MCUB: variants seen among roughly 807,000 people sequenced by gnomAD.
MCUB encodes the protein calcium uniporter regulatory subunit MCUb, mitochondrial.
In MCUB, 46 loss-of-function variants were observed where a neutral mutation model predicts 41.4. The ratio of observed to expected loss-of-function variants is 1.11; its 90% confidence interval spans 0.88 to 1.42. The LOEUF (loss-of-function observed/expected upper bound fraction) is 1.42. Ranked by LOEUF, MCUB falls within the 40% of genes most tolerant of loss-of-function variation. The pLI is 0.00. For missense variants in MCUB, 403 were observed against 404.9 expected (o/e 1.00, Z 0.04); for synonymous variants, 148 against 148.2 (o/e 1.00, Z 0.01).
chr4:109,597,906 C>G (rs1727614269), intron 1 of MCUB, among the ~76,000 whole-genome samples: 1 of 151,442 alleles, frequency 6.6e-6, no homozygotes, highest in African/African-American at 2.4e-5. Flanking sequence ...ACGCTCCTCA[C>G]CTCCCAGACG....
chr4:109,682,410 T>C (rs1359468569), intron 4 of MCUB, among the ~76,000 whole-genome samples, 172 bp from the exon 5 acceptor site: 1 of 152,184 alleles, frequency 6.6e-6, no homozygotes, highest in Non-Finnish European at 1.5e-5. Context: ...AAAAGTACAC[T>C]TGAACTGCTT....
At chr4:109,585,679 A>G (rs983784016) in intron 1 of MCUB, among the ~76,000 whole-genome samples, 1 of 152,150 alleles carries the variant, frequency 6.6e-6, no homozygotes, top group Non-Finnish European at 1.5e-5. Context: ...GCTTGTGTGT[A>G]AAGGATTTTA....
At chr4:109,667,380 C>T (rs1168021712) in intron 4 of MCUB, among the ~76,000 whole-genome samples, 1 of 151,904 alleles carries the variant, frequency 6.6e-6, no homozygotes, top group Non-Finnish European at 1.5e-5. Flanking sequence ...TAGAGTTGTT[C>T]ATAGTATTTC....
intron 1 of MCUB, among the ~76,000 whole-genome samples, chr4:109,601,945 T>C (rs1727754227): frequency 6.6e-6 from 1 of 152,216 alleles, no homozygotes; most frequent in Admixed American, 6.5e-5. Context: ...TGAGATGATA[T>C]CTCATTGTAG....
intron 1 of MCUB, among the ~76,000 whole-genome samples, chr4:109,568,079 A>AG (rs944689959): frequency 5.0e-4 from 76 of 151,784 alleles, no homozygotes; most frequent in African/African-American, 1.8e-3. Context: ...CCTGGGGGGG[A>AG]AAAATTATTT....
intron 1 of MCUB, among the ~76,000 whole-genome samples, chr4:109,580,980 A>G (rs1157013496): frequency 2.6e-5 from 4 of 152,206 alleles, no homozygotes; most frequent in Admixed American, 1.3e-4. Context: ...ATTCAATGCC[A>G]TCCCCATCAA....
intron 1 of MCUB, among the ~76,000 whole-genome samples, chr4:109,638,516 G>T (rs547560981): frequency 6.6e-6 from 1 of 152,212 alleles, no homozygotes; most frequent in African/African-American, 2.4e-5. Flanking sequence ...GAGGTAGAGG[G>T]TGTTGCCTCA....
At chr4:109,668,689 G>C (rs1038743185) in intron 4 of MCUB, among the ~76,000 whole-genome samples, 2 of 149,490 alleles carry the variant, frequency 1.3e-5, no homozygotes, top group Non-Finnish European at 3.0e-5. Flanking sequence ...TTTTCTATTT[G>C]TTGCCACTGT....
chr4:109,627,783 C>T (rs532770265), intron 1 of MCUB, among the ~76,000 whole-genome samples: 107 of 151,954 alleles, frequency 7.0e-4, no homozygotes, highest in Non-Finnish European at 1.2e-3. Flanking sequence ...TGTGGTGGTG[C>T]GCACCTGTAA....
chr4:109,633,966 C>T (rs1286612812), intron 1 of MCUB, among the ~76,000 whole-genome samples: 5 of 144,958 alleles, frequency 3.4e-5, no homozygotes, highest in South Asian at 2.3e-4. Flanking sequence ...TTTATTATCA[C>T]GCTGTACTTT....
intron 1 of MCUB, among the ~76,000 whole-genome samples, chr4:109,621,008 C>A (rs1323793718): frequency 6.6e-6 from 1 of 151,958 alleles, no homozygotes; most frequent in Admixed American, 6.6e-5. Context: ...AAGCAATTAT[C>A]CTGCTTCAGC....
Position 109,687,676 on chromosome 4 carries a change from T to C in MCUB, c.*84T>C. ...TGTTTTTGAGTCCCATGGTTCATTTTGATTGTTTAATCTTTGTTATTAAAT... is the reference window on the plus strand; with the variant it reads ...TGTTTTTGAGTCCCATGGTTCATTTCGATTGTTTAATCTTTGTTATTAAAT... On this transcript the variant is annotated 3_prime_UTR_variant, in exon 8 of 8. Transcript: ENST00000394650. 2 of 803,476 alleles carry C rather than the reference T, an allele frequency of 2.5e-6. No homozygotes were observed. The highest frequency in any genetic ancestry group is 3.1e-5 in the South Asian group (2 of 65,554). 49.8% of individuals were successfully genotyped at this position (803,476 alleles called of 1,614,324 possible).
chr4:109,648,500 C>A, intron 1 of MCUB: 1 of 336,362 alleles, frequency 3.0e-6, no homozygotes, highest in Non-Finnish European at 5.7e-6. Flanking sequence ...TGTGGATTAA[C>A]TACTCGTCTT....
intron 1 of MCUB, among the ~76,000 whole-genome samples, chr4:109,650,782 G>A (rs1467566103): frequency 4.6e-5 from 7 of 152,156 alleles, no homozygotes; most frequent in Non-Finnish European, 1.0e-4. Context: ...CAGAATCACA[G>A]TTTAATTTAG....
chr4:109,633,007 A>T (rs1728509047), intron 1 of MCUB, among the ~76,000 whole-genome samples: 1 of 152,218 alleles, frequency 6.6e-6, no homozygotes, highest in Non-Finnish European at 1.5e-5. Context: ...ATATGCCAAA[A>T]TAATGATTAT....
chr4:109,677,207 T>C (rs1729593018), intron 4 of MCUB, among the ~76,000 whole-genome samples: 2 of 152,254 alleles, frequency 1.3e-5, no homozygotes, highest in Non-Finnish European at 2.9e-5. Context: ...ACCTCTTTTT[T>C]CCTATTTCTC....
intron 4 of MCUB, among the ~76,000 whole-genome samples, chr4:109,678,189 C>T (rs1309743204): frequency 6.6e-6 from 1 of 152,084 alleles, no homozygotes; most frequent in Non-Finnish European, 1.5e-5. Context: ...TAGTACAGAA[C>T]AAAATGGAGT....
intron 1 of MCUB, among the ~76,000 whole-genome samples, chr4:109,586,815 CCTTCCTCTGGAAGCTTTGCCCCAGAA>C (rs1180919747): frequency 1.3e-5 from 2 of 152,126 alleles, no homozygotes; most frequent in Non-Finnish European, 2.9e-5. Flanking sequence ...GCTGCCTGAT[CCTTCCTCTGGAAGCTTTGCCCCAGAA>C]GGGCAGCTGC....
intron 3 of MCUB, among the ~76,000 whole-genome samples, chr4:109,664,006 CA>C (rs1229086037): frequency 6.6e-6 from 1 of 152,240 alleles, no homozygotes; most frequent in Non-Finnish European, 1.5e-5. Context: ...TGACTCTCCA[CA>C]GATGCAGTTT....
Sources: allele counts gnomAD v4.1 joint callset (sites outside exome capture counted in the v4.1 genomes callset), GRCh38; gene constraint gnomAD v4.1.1; transcripts MANE v1.5; gene names NCBI Gene and HGNC (gene_info 2026-07-23, HGNC 2026-07-21).